Variants in ATXN7L1 observed in about 807,000 individuals in gnomAD.
ATXN7L1 encodes ataxin-7-like protein 1.
Under a neutral mutation model 70.8 loss-of-function variants are expected in ATXN7L1, and 15 were observed. That is an observed-to-expected ratio of 0.21 (90% CI 0.14 to 0.33). The LOEUF is 0.33. Among genes scored for constraint, ATXN7L1 ranks in the 10% least tolerant of loss-of-function variants. The probability of loss-of-function intolerance (pLI) is 1.00; values close to 1 mark genes in which losing one functional copy is unlikely to be tolerated. For missense variants in ATXN7L1, 975 were observed against 1,097.1 expected (o/e 0.89, Z 1.57); for synonymous variants, 440 against 445.1 (o/e 0.99, Z 0.14).
intron 7 of ATXN7L1, among the ~76,000 whole-genome samples, chr7:105,626,955 A>G (rs1178998018): frequency 1.3e-5 from 2 of 152,240 alleles, no homozygotes; most frequent in African/African-American, 4.8e-5. Context: ...TGCTTTTTAA[A>G]AAACCTAGTG....
intron 3 of ATXN7L1, among the ~76,000 whole-genome samples, chr7:105,714,916 C>T (rs1794356810): frequency 6.6e-6 from 1 of 152,150 alleles, no homozygotes; most frequent in Admixed American, 6.5e-5. Flanking sequence ...CTGCCTGCCT[C>T]AGCCCCACTG....
intron 3 of ATXN7L1, among the ~76,000 whole-genome samples, chr7:105,669,780 G>T (rs909944970): frequency 6.6e-5 from 10 of 152,068 alleles, no homozygotes; most frequent in Admixed American, 6.6e-4. Flanking sequence ...TTAGCTGGGC[G>T]TGGTGGCGCA....
intron 3 of ATXN7L1, among the ~76,000 whole-genome samples, chr7:105,667,195 C>T (rs1160397642): frequency 6.6e-6 from 1 of 152,114 alleles, no homozygotes; most frequent in Non-Finnish European, 1.5e-5. Context: ...CAGGGGTCTC[C>T]ACCCTCCTCA....
At chr7:105,727,777 T>TATATATATATATACATAC in intron 3 of ATXN7L1, among the ~76,000 whole-genome samples, 1 of 90,198 alleles carries the variant, frequency 1.1e-5, no homozygotes, top group African/African-American at 6.1e-5. Context: ...TATATATATA[T>TATATATATATATACATAC]ACACACACAT....
chr7:105,670,888 C>G (rs1178080408), intron 3 of ATXN7L1, among the ~76,000 whole-genome samples: 1 of 151,968 alleles, frequency 6.6e-6, no homozygotes, highest in African/African-American at 2.4e-5. Flanking sequence ...GGATGGATCA[C>G]GAGGTCAGGA....
intron 3 of ATXN7L1, among the ~76,000 whole-genome samples, chr7:105,667,072 T>C (rs898796045): frequency 2.0e-5 from 3 of 152,234 alleles, no homozygotes; most frequent in African/African-American, 7.2e-5. Context: ...AGAGCAGTAA[T>C]AACAGCCAAA....
At chr7:105,712,150 A>T (rs509798) in intron 3 of ATXN7L1, among the ~76,000 whole-genome samples, 11,650 of 152,258 alleles carry the variant, frequency 0.077, 512 homozygotes, top group South Asian at 0.15. Flanking sequence ...AGCGGCTAGG[A>T]TGCAGGGCAC....
At chr7:105,786,116 G>A (rs1159995754) in intron 3 of ATXN7L1, among the ~76,000 whole-genome samples, 1 of 152,180 alleles carries the variant, frequency 6.6e-6, no homozygotes, top group African/African-American at 2.4e-5. Context: ...CTAGAGCTGA[G>A]GGAGGCCTTG....
At chr7:105,788,849 C>T (rs1043800441) in intron 2 of ATXN7L1, 141 bp from the exon 3 acceptor site, 12 of 683,958 alleles carry the variant, frequency 1.8e-5, no homozygotes, top group Non-Finnish European at 2.3e-5. Context: ...AACGGGAACT[C>T]GGTTTGTCAT....
At chr7:105,813,191 C>T (rs1808681209) in intron 2 of ATXN7L1, among the ~76,000 whole-genome samples, 1 of 152,176 alleles carries the variant, frequency 6.6e-6, no homozygotes, top group Non-Finnish European at 1.5e-5. Flanking sequence ...TTTGTTAAAA[C>T]CAGAGACACT....
intron 2 of ATXN7L1, among the ~76,000 whole-genome samples, chr7:105,796,436 C>T (rs1426022839): frequency 6.6e-6 from 1 of 152,068 alleles, no homozygotes; most frequent in Admixed American, 6.5e-5. Context: ...CTCGGTAGGA[C>T]CTACGGATGT....
chr7:105,638,676 T>G, intron 6 of ATXN7L1, 67 bp from the exon 7 acceptor site: 2 of 1,461,660 alleles, frequency 1.4e-6, no homozygotes, highest in Non-Finnish European at 1.8e-6. Context: ...CCCCAGGCCC[T>G]CCATTTCAGA....
At chr7:105,624,658 A>AAC (rs1304430970) in intron 7 of ATXN7L1, among the ~76,000 whole-genome samples, 1 of 151,390 alleles carries the variant, frequency 6.6e-6, no homozygotes, top group Non-Finnish European at 1.5e-5. Context: ...TCAAAAAAAA[A>AAC]AAAAAAAACA....
chr7:105,840,606 T>C lies in ATXN7L1; in HGVS notation c.250+35206A>G, dbSNP rs113944802. The stretch of plus-strand genomic sequence containing the variant: ...TGTTGTATCTTCTCCAGATCACACA[T>C]ACTGCCCCCCAGAGCTTACAACCCA... On this transcript the variant is annotated intron_variant, in intron 2 of 11. Transcript: ENST00000419735. Among the ~76,000 whole-genome samples, 820 of 152,240 alleles carry C rather than the reference T, an allele frequency of 5.4e-3. 4 individuals are homozygous for C. Among genetic ancestry groups the C allele is most frequent in the Non-Finnish European group, 8.7e-3 (591 of 68,016 alleles).
intron 2 of ATXN7L1, among the ~76,000 whole-genome samples, chr7:105,821,435 T>C (rs1302904677): frequency 6.6e-6 from 1 of 152,240 alleles, no homozygotes; most frequent in Admixed American, 6.5e-5. Context: ...TGCTTTAAGA[T>C]CCTGTGCAGT....
chr7:105,767,434 T>C (rs936939367), intron 3 of ATXN7L1, among the ~76,000 whole-genome samples: 4 of 152,208 alleles, frequency 2.6e-5, no homozygotes, highest in African/African-American at 9.6e-5. Flanking sequence ...TGGGAATGAC[T>C]ATGTAATTCA....
At chr7:105,689,908 G>T (rs918604094) in intron 3 of ATXN7L1, among the ~76,000 whole-genome samples, 4 of 152,210 alleles carry the variant, frequency 2.6e-5, no homozygotes, top group African/African-American at 9.6e-5. Flanking sequence ...GCTCAGTGGG[G>T]CCAGTGTGAG....
At chr7:105,832,162 A>C (rs1376114974) in intron 2 of ATXN7L1, among the ~76,000 whole-genome samples, 1 of 152,226 alleles carries the variant, frequency 6.6e-6, no homozygotes, top group African/African-American at 2.4e-5. Flanking sequence ...AAAGCTTTTA[A>C]GAATCTTGAG....
chr7:105,776,470 T>A (rs1802734921), intron 3 of ATXN7L1, among the ~76,000 whole-genome samples: 4 of 147,474 alleles, frequency 2.7e-5, no homozygotes, highest in Non-Finnish European at 5.9e-5. Context: ...CTTTTTTTTT[T>A]AAGAAAAACA....
Sources: gnomAD v4.1 joint callset for allele counts (sites outside exome capture counted in the v4.1 genomes callset) on GRCh38, gnomAD v4.1.1 for gene constraint, MANE v1.5 for transcripts, NCBI Gene and HGNC (gene_info 2026-07-23, HGNC 2026-07-21) for gene names.